The following SPATS2L variants were observed in gnomAD, a reference collection of about 807,000 sequenced individuals.
SPATS2L encodes the protein spermatogenesis associated serine rich 2 like.
Under a neutral mutation model 59.6 loss-of-function variants are expected in SPATS2L, and 30 were observed. The ratio of observed to expected loss-of-function variants is 0.50; its 90% confidence interval spans 0.38 to 0.68. SPATS2L has a LOEUF of 0.68. SPATS2L is among the 30% of genes least tolerant of loss of function. The pLI is 0.00. For synonymous variants in SPATS2L, 252 were observed against 263.5 expected (o/e 0.96, Z 0.42); for missense variants, 615 against 700.0 (o/e 0.88, Z 1.37).
At chr2:200,413,615 C>G (rs1323425175) in intron 4 of SPATS2L, among the ~76,000 whole-genome samples, 1 of 152,232 alleles carries the variant, frequency 6.6e-6, no homozygotes, top group Non-Finnish European at 1.5e-5. Flanking sequence ...CAGCACATTT[C>G]TCAGTTGTAT....
chr2:200,347,370 C>A (rs1032785677), intron 2 of SPATS2L, among the ~76,000 whole-genome samples: 4 of 152,162 alleles, frequency 2.6e-5, no homozygotes, highest in Non-Finnish European at 5.9e-5. Context: ...GACTGTCCTG[C>A]GCATGTCTTG....
chr2:200,307,400 G>A (rs961760681), intron 1 of SPATS2L, among the ~76,000 whole-genome samples: 1 of 151,894 alleles, frequency 6.6e-6, no homozygotes, highest in African/African-American at 2.4e-5. Flanking sequence ...CGACCACCCC[G>A]CCCTCGGATC....
At chr2:200,400,352 A>C (rs2082486731) in intron 3 of SPATS2L, among the ~76,000 whole-genome samples, 3 of 152,208 alleles carry the variant, frequency 2.0e-5, no homozygotes, top group African/African-American at 7.2e-5. Flanking sequence ...GTTCTGGGAA[A>C]ATATGAGAAG....
intron 3 of SPATS2L, among the ~76,000 whole-genome samples, chr2:200,391,456 T>G (rs1349818600): frequency 1.3e-5 from 2 of 152,240 alleles, no homozygotes; most frequent in Admixed American, 6.5e-5. Context: ...TTCATAAATT[T>G]TAAAACATTA....
intron 9 of SPATS2L, among the ~76,000 whole-genome samples, chr2:200,462,608 T>C (rs2086314832): frequency 6.6e-6 from 1 of 152,198 alleles, no homozygotes; most frequent in Non-Finnish European, 1.5e-5. Flanking sequence ...ACCATGTTGT[T>C]GACTTCTCAA....
intron 2 of SPATS2L, among the ~76,000 whole-genome samples, chr2:200,350,690 T>C (rs1402857716): frequency 6.6e-6 from 1 of 151,824 alleles, no homozygotes; most frequent in Non-Finnish European, 1.5e-5. Context: ...CACCCAGCTA[T>C]GTTTTTTTGT....
At chr2:200,342,696 T>C (rs563783557) in intron 2 of SPATS2L, among the ~76,000 whole-genome samples, 1 of 152,362 alleles carries the variant, frequency 6.6e-6, no homozygotes, top group African/African-American at 2.4e-5. Context: ...TGGTACTGCA[T>C]ACCCAGGGTC....
chr2:200,388,590 T>C lies in SPATS2L; in HGVS notation c.-22-633T>C, dbSNP rs148373489. Among the ~76,000 whole-genome samples the C allele has an allele frequency of 2.0e-3, 234 of 116,458 alleles. 6 individuals carry two copies. The East Asian group carries it at 0.05, about 25-fold the overall frequency. 76.4% of individuals were successfully genotyped at this position (116,458 alleles called of 152,430 possible). ...CCTTTAGGTTTGTTTTGAGACAAGC[T>C]CAAAAAAAAAGGTTTTGAGATGCCC... is the stretch of plus-strand genomic sequence containing the variant. On this transcript the variant is annotated intron_variant, in intron 2 of 12. Coordinates refer to ENST00000409140, the MANE Select transcript of SPATS2L (RefSeq NM_001100423.2).
At chr2:200,384,024 A>G (rs1002601794) in intron 2 of SPATS2L, 37 of 1,000,464 alleles carry the variant, frequency 3.7e-5, no homozygotes, top group Non-Finnish European at 4.3e-5. Context: ...ATAGGTCAGT[A>G]CATTGATAGA....
chr2:200,308,132 A>G (rs2079086717), intron 1 of SPATS2L, among the ~76,000 whole-genome samples: 1 of 152,188 alleles, frequency 6.6e-6, no homozygotes, highest in Non-Finnish European at 1.5e-5. Flanking sequence ...AGTTTGTCTT[A>G]AAGGAAGGTT....
At chr2:200,453,639 T>C (rs1168078577) in intron 8 of SPATS2L, among the ~76,000 whole-genome samples, 1 of 152,200 alleles carries the variant, frequency 6.6e-6, no homozygotes, top group African/African-American at 2.4e-5. Context: ...GCTTGCCAGC[T>C]CAAGGCCCAC....
intron 2 of SPATS2L, among the ~76,000 whole-genome samples, chr2:200,358,680 C>T (rs1321300557): frequency 6.6e-6 from 1 of 151,674 alleles, no homozygotes; most frequent in Non-Finnish European, 1.5e-5. Flanking sequence ...AAAATTTGGT[C>T]CATCTTCCAT....
intron 3 of SPATS2L, among the ~76,000 whole-genome samples, chr2:200,409,787 T>C (rs908314171): frequency 1.3e-5 from 2 of 152,264 alleles, no homozygotes; most frequent in African/African-American, 4.8e-5. Flanking sequence ...TTTCTAAGGA[T>C]ACAGTCAGTG....
At chr2:200,356,968 T>A (rs993501706) in intron 2 of SPATS2L, among the ~76,000 whole-genome samples, 1 of 152,198 alleles carries the variant, frequency 6.6e-6, no homozygotes, top group African/African-American at 2.4e-5. Flanking sequence ...AGAGCCATCA[T>A]GACCTAATCA....
chr2:200,453,229 G>A (rs3769443), intron 8 of SPATS2L, among the ~76,000 whole-genome samples: 63,357 of 152,094 alleles, frequency 0.42, 13,900 homozygotes, highest in East Asian at 0.58. Context: ...ACAGGATGGG[G>A]AGCAGAACAG....
At chr2:200,374,461 A>G (rs2081533432) in intron 2 of SPATS2L, among the ~76,000 whole-genome samples, 2 of 152,086 alleles carry the variant, frequency 1.3e-5, no homozygotes. Context: ...TCATTTCAGA[A>G]TGATTTGTTG....
intron 3 of SPATS2L, among the ~76,000 whole-genome samples, chr2:200,411,641 A>G (rs2105986288): frequency 1.3e-5 from 2 of 152,378 alleles, no homozygotes; most frequent in South Asian, 2.1e-4. Flanking sequence ...AAATTTGACT[A>G]GGAAATGCAT....
intron 8 of SPATS2L, among the ~76,000 whole-genome samples, chr2:200,449,240 T>G (rs998878826): frequency 4.6e-5 from 7 of 152,196 alleles, no homozygotes; most frequent in Non-Finnish European, 8.8e-5. Context: ...AATGAATCAG[T>G]TGACATGAAG....
chr2:200,371,403 A>G (rs1465503803), intron 2 of SPATS2L, among the ~76,000 whole-genome samples: 1 of 152,236 alleles, frequency 6.6e-6, no homozygotes, highest in African/African-American at 2.4e-5. Context: ...TAGCACATTC[A>G]TGGAAGGCAG....
Sources: allele counts gnomAD v4.1 joint callset (sites outside exome capture counted in the v4.1 genomes callset), GRCh38; gene constraint gnomAD v4.1.1; transcripts MANE v1.5; gene names NCBI Gene and HGNC (gene_info 2026-07-23, HGNC 2026-07-21).